GRXCR1: variants seen among roughly 807,000 people sequenced by gnomAD.
GRXCR1 encodes the protein glutaredoxin domain-containing cysteine-rich protein 1.
In GRXCR1, 27 loss-of-function variants were observed where a neutral mutation model predicts 27.3. The ratio of observed to expected loss-of-function variants is 0.99; its 90% CI spans 0.73 to 1.37. GRXCR1 has a LOEUF of 1.37. GRXCR1 is among the 40% of genes most tolerant of loss of function. The pLI is 0.00. For missense variants in GRXCR1, 379 were observed against 354.4 expected, an observed-to-expected ratio of 1.07 and a Z score of -0.56; for synonymous variants, 122 against 131.1, an observed-to-expected ratio of 0.93 and a Z score of 0.47.
At chr4:42,928,236 C>T (rs971200379) in intron 1 of GRXCR1, among the ~76,000 whole-genome samples, 1 of 151,924 alleles carries the variant, frequency 6.6e-6, no homozygotes, top group South Asian at 2.1e-4. Context: ...AGAAATAGTC[C>T]TGCACACGTT....
chr4:42,995,585 A>T (rs1288105347), intron 2 of GRXCR1, among the ~76,000 whole-genome samples: 1 of 152,196 alleles, frequency 6.6e-6, no homozygotes, highest in Non-Finnish European at 1.5e-5. Context: ...AGTCCTATGC[A>T]CAAAGCTAAT....
At chr4:42,895,158 AAAAAAG>A (rs1746319394) in intron 1 of GRXCR1, among the ~76,000 whole-genome samples, 1 of 152,116 alleles carries the variant, frequency 6.6e-6, no homozygotes, top group African/African-American at 2.4e-5. Flanking sequence ...TTAAACTCAC[AAAAAAG>A]AAAGAGAAGA....
chr4:42,920,386 C>A (rs1746981971), intron 1 of GRXCR1, among the ~76,000 whole-genome samples: 1 of 152,144 alleles, frequency 6.6e-6, no homozygotes, highest in Non-Finnish European at 1.5e-5. Context: ...AATTTGCTAC[C>A]TTTGCCACCA....
intron 2 of GRXCR1, among the ~76,000 whole-genome samples, chr4:42,980,842 T>C (rs564558326): frequency 2.1e-4 from 32 of 152,142 alleles, no homozygotes; most frequent in African/African-American, 7.2e-4. Context: ...ATTTATAATA[T>C]TTTTTGGTTT....
chr4:42,961,695 T>C (rs187029577), intron 1 of GRXCR1, among the ~76,000 whole-genome samples: 1 of 152,008 alleles, frequency 6.6e-6, no homozygotes, highest in South Asian at 2.1e-4. Flanking sequence ...TTTATTACAT[T>C]TTATCATCAG....
intron 2 of GRXCR1, among the ~76,000 whole-genome samples, chr4:42,978,399 G>T (rs190428160): frequency 6.6e-6 from 1 of 152,034 alleles, no homozygotes; most frequent in African/African-American, 2.4e-5. Flanking sequence ...GCTTTGACTA[G>T]TAGGGACATT....
chr4:42,943,053 C>A (rs763352574), intron 1 of GRXCR1, among the ~76,000 whole-genome samples: 1 of 151,992 alleles, frequency 6.6e-6, no homozygotes, highest in Non-Finnish European at 1.5e-5. Flanking sequence ...ATAAATGAAT[C>A]GCATTATCAG....
intron 1 of GRXCR1, among the ~76,000 whole-genome samples, chr4:42,951,626 A>G (rs1747886225): frequency 6.6e-6 from 1 of 152,126 alleles, no homozygotes; most frequent in South Asian, 2.1e-4. Flanking sequence ...TCCTTTTGGT[A>G]TATACTCAGT....
At chr4:42,988,830 G>A (rs750639108) in intron 2 of GRXCR1, among the ~76,000 whole-genome samples, 77 of 152,198 alleles carry the variant, frequency 5.1e-4, no homozygotes, top group Admixed American at 7.9e-4. Flanking sequence ...GTTTTTTTCA[G>A]ACTATAAGTC....
chr4:42,906,613 C>T (rs1746598258), intron 1 of GRXCR1, among the ~76,000 whole-genome samples: 1 of 152,156 alleles, frequency 6.6e-6, no homozygotes, highest in Non-Finnish European at 1.5e-5. Context: ...AGCCTTTCAG[C>T]AATGCAGCTC....
intron 1 of GRXCR1, among the ~76,000 whole-genome samples, chr4:42,932,452 T>TTTGCTTTCCA (rs112249329): frequency 0.99 from 148,529 of 150,118 alleles, 73,498 homozygotes; most frequent in Middle Eastern, 1. Context: ...TTCACCGCAG[T>TTTGCTTTCCA]TTGCCATCTC....
intron 1 of GRXCR1, among the ~76,000 whole-genome samples, chr4:42,932,869 C>T (rs903993309): frequency 1.3e-5 from 2 of 151,520 alleles, no homozygotes; most frequent in Non-Finnish European, 2.9e-5. Context: ...ATGTACTCCT[C>T]CATTGACCCT....
chr4:42,968,962 A>G (rs1455800804), intron 2 of GRXCR1, among the ~76,000 whole-genome samples: 1 of 152,136 alleles, frequency 6.6e-6, no homozygotes, highest in Non-Finnish European at 1.5e-5. Context: ...AGTGTCTGCC[A>G]AGGTGATCAA....
At chr4:43,015,332 A>C (rs1486781042) in intron 2 of GRXCR1, among the ~76,000 whole-genome samples, 1 of 152,178 alleles carries the variant, frequency 6.6e-6, no homozygotes. Flanking sequence ...ATCTTTACAG[A>C]AGATAAATAA....
At chr4:42,992,219 GA>G (rs2109791625) in intron 2 of GRXCR1, among the ~76,000 whole-genome samples, 1 of 152,204 alleles carries the variant, frequency 6.6e-6, no homozygotes, top group East Asian at 1.9e-4. Context: ...GAAGATTATA[GA>G]ATACAACCAT....
chr4:42,953,996 A>G (rs1747943089), intron 1 of GRXCR1, among the ~76,000 whole-genome samples: 1 of 152,084 alleles, frequency 6.6e-6, no homozygotes, highest in Non-Finnish European at 1.5e-5. Flanking sequence ...ACTAAGGGGG[A>G]AATTACCGGC....
intron 2 of GRXCR1, among the ~76,000 whole-genome samples, chr4:42,964,374 C>G (rs1041009215): frequency 6.6e-6 from 1 of 151,922 alleles, no homozygotes; most frequent in Non-Finnish European, 1.5e-5. Flanking sequence ...TGGGGTCAGA[C>G]AGACTTGTTT....
chr4:43,006,217 G>A (rs1035267486), intron 2 of GRXCR1, among the ~76,000 whole-genome samples: 1 of 152,114 alleles, frequency 6.6e-6, no homozygotes, highest in African/African-American at 2.4e-5. Flanking sequence ...TGCATTAACT[G>A]CACAAATTGT....
chr4:42,949,981 C>A (rs1227574286), intron 1 of GRXCR1, among the ~76,000 whole-genome samples: 1 of 152,182 alleles, frequency 6.6e-6, no homozygotes, highest in South Asian at 2.1e-4. Context: ...ACAGGTATTT[C>A]AACCCGTAAA....
Sources: allele counts gnomAD v4.1 joint callset (sites outside exome capture counted in the v4.1 genomes callset), GRCh38; gene constraint gnomAD v4.1.1; transcripts MANE v1.5; gene names NCBI Gene and HGNC (gene_info 2026-07-23, HGNC 2026-07-21).